The following NLN variants were observed in gnomAD, a reference collection of about 807,000 sequenced individuals.
NLN encodes the protein neurolysin, mitochondrial.
Under a neutral mutation model 79.9 loss-of-function variants are expected in NLN, and 64 were observed. The observed-to-expected ratio is 0.80, with a 90% confidence interval of 0.65 to 0.99. NLN has a LOEUF of 0.99. Ranked by LOEUF, NLN falls within the 50% of genes least tolerant of loss-of-function variation. The probability of loss-of-function intolerance (pLI) is 0.00; values close to 1 mark genes in which losing one functional copy is unlikely to be tolerated. For missense variants in NLN, 835 were observed against 858.7 expected (o/e 0.97, Z 0.34); for synonymous variants, 267 against 296.6 (o/e 0.90, Z 1.02).
At chr5:65,809,385 T>G (rs1760490924) in intron 9 of NLN, 130 bp from the exon 10 acceptor site, 2 of 717,072 alleles carry the variant, frequency 2.8e-6, no homozygotes, top group Non-Finnish European at 4.6e-6. Flanking sequence ...TATGAGGTTA[T>G]TCTAACCCCT....
At chr5:65,803,862 C>T (rs1349423135) in intron 9 of NLN, among the ~76,000 whole-genome samples, 1 of 152,200 alleles carries the variant, frequency 6.6e-6, no homozygotes, top group African/African-American at 2.4e-5. Context: ...GAGCGCACAG[C>T]CCCAGCCACG....
chr5:65,736,907 C>T (rs1380514731), intron 1 of NLN, among the ~76,000 whole-genome samples: 1 of 151,978 alleles, frequency 6.6e-6, no homozygotes, highest in Non-Finnish European at 1.5e-5. Context: ...TTGACACCTG[C>T]CTGGGCTATA....
chr5:65,759,400 C>CTG (rs4019070), intron 2 of NLN, among the ~76,000 whole-genome samples: 46 of 148,046 alleles, frequency 3.1e-4, no homozygotes, highest in East Asian at 1.2e-3. Flanking sequence ...GTGTGTGTGT[C>CTG]TGTGTGTGTG....
intron 9 of NLN, among the ~76,000 whole-genome samples, chr5:65,800,507 C>G (rs897565478): frequency 1.3e-5 from 2 of 152,030 alleles, no homozygotes; most frequent in Non-Finnish European, 2.9e-5. Context: ...AACCCCATCT[C>G]TACTAAAAAT....
intron 3 of NLN, among the ~76,000 whole-genome samples, chr5:65,775,347 G>T (rs1447123132): frequency 6.6e-6 from 1 of 152,130 alleles, no homozygotes; most frequent in African/African-American, 2.4e-5. Flanking sequence ...ATGTGGCCCA[G>T]GAACCCAGGT....
rs761013841 is a variant in NLN, at chr5:65,788,316, T to C, written c.1157T>C (p.Ile386Thr). 58 of 1,614,076 alleles carry C rather than the reference T, an allele frequency of 3.6e-5. No homozygotes were observed. The highest frequency in any genetic ancestry group is 4.9e-5 in the Non-Finnish European group (58 of 1,180,014). The change falls in exon 8 of 13, where the codon ATT becomes ACT. Residue 386 changes from isoleucine to threonine, a missense_variant. Coordinates refer to ENST00000380985, the MANE Select transcript of NLN (RefSeq NM_020726.5). ...DQEFLKEYFP[I>T]EVVTEGLLNT... The stretch of plus-strand genomic sequence containing the variant: ...GAGTTCCTCAAGGAATACTTCCCAA[T>C]TGAGGTGGTCACTGAAGGCTTGCTG...
At chr5:65,817,574 T>G (rs1760696907) in intron 12 of NLN, among the ~76,000 whole-genome samples, 1 of 152,262 alleles carries the variant, frequency 6.6e-6, no homozygotes, top group Non-Finnish European at 1.5e-5. Flanking sequence ...GCAATTATAT[T>G]GTTAAGCTAC....
intron 1 of NLN, among the ~76,000 whole-genome samples, chr5:65,739,045 A>ATATATATATATAAT (rs1470154357): frequency 4.7e-4 from 45 of 95,464 alleles, no homozygotes; most frequent in East Asian, 9.6e-4. Context: ...ATATATAAAA[A>ATATATATATATAAT]ATATATATAA....
At chr5:65,821,786 T>G (rs922679679) in intron 12 of NLN, among the ~76,000 whole-genome samples, 4 of 152,196 alleles carry the variant, frequency 2.6e-5, no homozygotes, top group African/African-American at 9.6e-5. Context: ...GTTTGTGTTC[T>G]TATGGCCCTA....
chr5:65,735,160 C>T (rs978829426), intron 1 of NLN, among the ~76,000 whole-genome samples: 3 of 152,154 alleles, frequency 2.0e-5, no homozygotes, highest in Non-Finnish European at 4.4e-5. Flanking sequence ...CAGCACTTCT[C>T]CTTCCTGCCA....
intron 1 of NLN, among the ~76,000 whole-genome samples, chr5:65,757,833 C>G (rs921802291): frequency 6.6e-6 from 1 of 151,864 alleles, no homozygotes; most frequent in Non-Finnish European, 1.5e-5. Context: ...AATTGGTGTT[C>G]AGTATAAGAA....
chr5:65,737,751 C>G (rs1007940959), intron 1 of NLN, among the ~76,000 whole-genome samples: 15 of 152,144 alleles, frequency 9.9e-5, no homozygotes, highest in Non-Finnish European at 2.2e-4. Context: ...TTGCCTATGT[C>G]TACATGTTAG....
rs755681449 is a variant in NLN, at chr5:65,822,958, G to A, written c.*43G>A. Reference sequence around the variant, plus strand: ...GCCGTCCATGTCTGGAGGACAAGTCGACATCACCATGTGTTACTGGCCTGG... The same window carrying A: ...GCCGTCCATGTCTGGAGGACAAGTCAACATCACCATGTGTTACTGGCCTGG... On this transcript the variant is annotated 3_prime_UTR_variant, in exon 13 of 13. Coordinates refer to ENST00000380985, the MANE Select transcript of NLN (RefSeq NM_020726.5). The A allele has an allele frequency of 3.8e-6, 6 of 1,572,976 alleles. No homozygotes were observed. The African/African-American group carries it at 4.1e-5, about 11-fold the overall frequency.
chr5:65,770,380 T>C (rs913738435), intron 3 of NLN, among the ~76,000 whole-genome samples: 1 of 152,180 alleles, frequency 6.6e-6, no homozygotes, highest in African/African-American at 2.4e-5. Context: ...GTAGAAATAT[T>C]TCAACAGAAA....
chr5:65,773,679 A>ATG (rs1222535779), intron 3 of NLN, among the ~76,000 whole-genome samples: 1 of 152,192 alleles, frequency 6.6e-6, no homozygotes, highest in Non-Finnish European at 1.5e-5. Flanking sequence ...ACAGTGGCTC[A>ATG]TGTCTGTAAT....
At chr5:65,753,797 A>G (rs1284562394) in intron 1 of NLN, among the ~76,000 whole-genome samples, 1 of 152,110 alleles carries the variant, frequency 6.6e-6, no homozygotes, top group Non-Finnish European at 1.5e-5. Flanking sequence ...TTTCATATTC[A>G]TGTAACTCAG....
At chr5:65,778,176 C>T (rs1304844643) in intron 4 of NLN, among the ~76,000 whole-genome samples, 1 of 152,128 alleles carries the variant, frequency 6.6e-6, no homozygotes, top group Non-Finnish European at 1.5e-5. Flanking sequence ...TAACACATGC[C>T]CCTTAAAAGA....
intron 1 of NLN, among the ~76,000 whole-genome samples, chr5:65,748,761 AAG>A (rs1759039165): frequency 6.6e-6 from 1 of 152,196 alleles, no homozygotes; most frequent in Admixed American, 6.5e-5. Flanking sequence ...CCAAAAAGAA[AAG>A]AGAGAAAAAA....
rs530067077 is a variant in NLN at position 65,764,913 on chromosome 5, T to A, written c.450+1805T>A. Reference sequence around the variant, plus strand: ...CAAATGGTTATGTTTATTTAGGCAATTTTTTTAAAAACCTAGAATTACCAG... The same window carrying A: ...CAAATGGTTATGTTTATTTAGGCAAATTTTTTAAAAACCTAGAATTACCAG... On this transcript the variant is annotated intron_variant, in intron 3 of 12. Coordinates refer to ENST00000380985, the MANE Select transcript of NLN (RefSeq NM_020726.5). 1.9e-4 allele frequency among the ~76,000 whole-genome samples: 29 copies of A among 152,314 alleles called. 1 individual carries two copies. Among genetic ancestry groups the A allele is most frequent in the African/African-American group, 6.7e-4 (28 of 41,568 alleles).
Sources: allele counts gnomAD v4.1 joint callset (sites outside exome capture counted in the v4.1 genomes callset), GRCh38; gene constraint gnomAD v4.1.1; transcripts MANE v1.5; gene names NCBI Gene and HGNC (gene_info 2026-07-23, HGNC 2026-07-21).